Variants in NRP2 observed in about 807,000 individuals in gnomAD.
NRP2 encodes the protein neuropilin 2.
Under a neutral mutation model 110.4 loss-of-function variants are expected in NRP2, and 52 were observed. That is an observed-to-expected ratio of 0.47 (90% CI 0.38 to 0.59). The LOEUF (loss-of-function observed/expected upper bound fraction) is 0.59. Among genes scored for constraint, NRP2 ranks in the 20% least tolerant of loss-of-function variants. The probability of loss-of-function intolerance (pLI) is 0.00; values close to 1 mark genes in which losing one functional copy is unlikely to be tolerated. For missense variants in NRP2, 1,049 were observed against 1,203.0 expected (o/e 0.87, Z 1.89); for synonymous variants, 508 against 468.9 (o/e 1.08, Z -1.08).
chr2:205,770,952 C>T (rs1184408551), intron 15 of NRP2, among the ~76,000 whole-genome samples: 1 of 152,188 alleles, frequency 6.6e-6, no homozygotes, highest in Non-Finnish European at 1.5e-5. Flanking sequence ...TGACACGTCC[C>T]CTCTCCATCA....
intron 6 of NRP2, among the ~76,000 whole-genome samples, chr2:205,726,734 A>G (rs968207878): frequency 3.3e-5 from 5 of 152,182 alleles, no homozygotes; most frequent in Non-Finnish European, 2.9e-5. Flanking sequence ...AAAGCAAGCT[A>G]CTAGTTCCAC....
At chr2:205,737,104 G>T (rs1019792528) in intron 7 of NRP2, among the ~76,000 whole-genome samples, 1 of 152,204 alleles carries the variant, frequency 6.6e-6, no homozygotes, top group South Asian at 2.1e-4. Context: ...CTAAGGCGTT[G>T]TTATTCATTA....
chr2:205,727,765 G>C (rs1201225129), intron 6 of NRP2, 126 bp from the exon 7 acceptor site: 1 of 882,396 alleles, frequency 1.1e-6, no homozygotes, highest in Non-Finnish European at 1.7e-6. Context: ...CTAATTACAA[G>C]TATGTCTCAG....
In NRP2 at chr2:205,795,004, T is replaced by C. The variant is rs1241017427; in HGVS notation, c.2727T>C (p.Asp909=). ...TLENYNFELY[D]GLKHKVKMNH... ...AGAACTACAACTTCGAGCTCTACGA[T>C]GGCCTTAAGCACAAGGTCAAGATGA... Residue 909 remains aspartate, a synonymous_variant, in exon 17 of 17, where the codon GAT becomes GAC. Coordinates refer to ENST00000357785, the MANE Select transcript of NRP2 (RefSeq NM_003872.3). The C allele has an allele frequency of 1.9e-6, 3 of 1,614,170 alleles. No individual in the cohort carries two copies. The highest frequency in any genetic ancestry group is 1.1e-5 in the South Asian group (1 of 91,084).
At chr2:205,688,793 G>A (rs1325138853) in intron 1 of NRP2, among the ~76,000 whole-genome samples, 2 of 152,086 alleles carry the variant, frequency 1.3e-5, no homozygotes, top group Non-Finnish European at 1.5e-5. Context: ...ATTTAGGATA[G>A]AGAAGAGTAG....
At chr2:205,739,534 A>G (rs2057402820) in intron 7 of NRP2, among the ~76,000 whole-genome samples, 1 of 152,194 alleles carries the variant, frequency 6.6e-6, no homozygotes, top group Non-Finnish European at 1.5e-5. Context: ...TGATGGTTGC[A>G]GAGTTGGCTG....
At chr2:205,728,182 C>A in intron 7 of NRP2, 136 bp downstream of exon 7, 1 of 1,031,180 alleles carries the variant, frequency 9.7e-7, no homozygotes, top group Non-Finnish European at 1.5e-6. Context: ...AGGCAAGGGT[C>A]GTGCTGGCCT....
At chr2:205,749,944 AG>A in intron 11 of NRP2, 103 bp downstream of exon 11, 13 of 897,480 alleles carry the variant, frequency 1.4e-5, no homozygotes, top group Non-Finnish European at 1.1e-5. Context: ...TCAGAGATCC[AG>A]GGGATCTCAA....
chr2:205,769,501 T>TAC (rs1487457755), intron 15 of NRP2, among the ~76,000 whole-genome samples: 7 of 54,106 alleles, frequency 1.3e-4, no homozygotes, highest in African/African-American at 2.6e-4. Context: ...TGTATATACA[T>TAC]ACATACACAC....
intron 2 of NRP2, among the ~76,000 whole-genome samples, chr2:205,714,466 G>A (rs1324586332): frequency 6.6e-6 from 1 of 152,244 alleles, no homozygotes; most frequent in Non-Finnish European, 1.5e-5. Flanking sequence ...GTCCAGCAGT[G>A]CTTGCCTTAG....
intron 15 of NRP2, among the ~76,000 whole-genome samples, chr2:205,790,486 A>G (rs2058286980): frequency 6.6e-6 from 1 of 152,110 alleles, no homozygotes; most frequent in Non-Finnish European, 1.5e-5. Context: ...CAAGCATAGG[A>G]TTTGGCCCAG....
chr2:205,730,909 A>G (rs2057226193), intron 7 of NRP2, among the ~76,000 whole-genome samples: 1 of 152,210 alleles, frequency 6.6e-6, no homozygotes, highest in Non-Finnish European at 1.5e-5. Flanking sequence ...ACTCTTTTCC[A>G]GCCTCCCCTA....
chr2:205,765,524 T>C lies in NRP2; in HGVS notation c.2358T>C (p.Ile786=). Residue 786 remains isoleucine, a synonymous_variant, in exon 14 of 17, where the codon ATT becomes ATC. Transcript: ENST00000357785. ...AAGGACGTTCCGGAGAGATTGCCAT[T>C]GATGACATTCGGATAAGCACTGATG... The part of the protein sequence containing the change: ...IGKGRSGEIA[I]DDIRISTDVP... The C allele has an allele frequency of 6.2e-7, 1 of 1,614,168 alleles. No homozygotes were observed. Among genetic ancestry groups the C allele is most frequent in the Non-Finnish European group, 8.5e-7 (1 of 1,180,016 alleles).
At chr2:205,777,459 T>G (rs933843981) in intron 15 of NRP2, 5 of 152,314 alleles carry the variant, frequency 3.3e-5, no homozygotes, top group Admixed American at 2.6e-4. Context: ...CATCCAATCT[T>G]GGAATAAGTC....
At chr2:205,746,941 C>G (rs979789840) in intron 10 of NRP2, among the ~76,000 whole-genome samples, 4 of 152,156 alleles carry the variant, frequency 2.6e-5, no homozygotes, top group African/African-American at 9.7e-5. Flanking sequence ...GCAGCCCCAG[C>G]GAACACATCT....
chr2:205,788,607 C>T (rs948297920), intron 15 of NRP2, among the ~76,000 whole-genome samples: 36 of 152,306 alleles, frequency 2.4e-4, no homozygotes, highest in African/African-American at 8.2e-4. Flanking sequence ...AGAAATCCCC[C>T]GATGCCCAAC....
At chr2:205,694,830 T>C (rs2056389981) in intron 1 of NRP2, among the ~76,000 whole-genome samples, 1 of 152,240 alleles carries the variant, frequency 6.6e-6, no homozygotes, top group African/African-American at 2.4e-5. Flanking sequence ...AGTAGAATGA[T>C]TAAGTGTGTT....
At chr2:205,717,124 C>T (rs2056914622) in intron 3 of NRP2, among the ~76,000 whole-genome samples, 1 of 137,184 alleles carries the variant, frequency 7.3e-6, no homozygotes, top group African/African-American at 2.6e-5. Flanking sequence ...GACCCCGCTT[C>T]ATCAGCTACA....
At chr2:205,756,013 T>G (rs1339306870) in intron 12 of NRP2, among the ~76,000 whole-genome samples, 1 of 152,124 alleles carries the variant, frequency 6.6e-6, no homozygotes, top group Non-Finnish European at 1.5e-5. Context: ...TTTTCTTTCT[T>G]TTTTTTTCCT....
Sources: gnomAD v4.1 joint callset for allele counts (sites outside exome capture counted in the v4.1 genomes callset) on GRCh38, gnomAD v4.1.1 for gene constraint, MANE v1.5 for transcripts, NCBI Gene and HGNC (gene_info 2026-07-23, HGNC 2026-07-21) for gene names.